The following PAPOLA variants were observed in gnomAD, a reference collection of about 807,000 sequenced individuals.
PAPOLA encodes the protein poly(A) polymerase alpha, also known as polynucleotide adenylyltransferase alpha.
In PAPOLA, 15 loss-of-function variants were observed where a neutral mutation model predicts 100.6. The observed-to-expected ratio is 0.15, with a 90% confidence interval of 0.10 to 0.23. The LOEUF (loss-of-function observed/expected upper bound fraction) is 0.23, where lower values mean the gene tolerates loss of function less well. PAPOLA is among the 10% of genes least tolerant of loss of function. PAPOLA has a pLI of 1.00. For synonymous variants in PAPOLA, 293 were observed against 300.0 expected (o/e 0.98, Z 0.24); for missense variants, 533 against 884.2 (o/e 0.60, Z 5.04).
At chr14:96,505,242 C>T (rs989627367) in intron 1 of PAPOLA, among the ~76,000 whole-genome samples, 81 of 152,192 alleles carry the variant, frequency 5.3e-4, no homozygotes, top group African/African-American at 1.8e-3. Flanking sequence ...CTTCCACCTA[C>T]TGGATTCCGG....
At chr14:96,535,408 A>G (rs1041488205) in intron 10 of PAPOLA, 27 of 981,572 alleles carry the variant, frequency 2.8e-5, no homozygotes, top group African/African-American at 3.5e-5. Flanking sequence ...TAACATATCA[A>G]CATGGATAAT....
chr14:96,561,172 G>T (rs1306291359), intron 20 of PAPOLA, among the ~76,000 whole-genome samples: 1 of 152,126 alleles, frequency 6.6e-6, no homozygotes, highest in African/African-American at 2.4e-5. Flanking sequence ...GCAGTTTTTG[G>T]CGTAAGGTTT....
Position 96,542,892 on chromosome 14 carries a change from A to G in PAPOLA, c.1288A>G (p.Lys430Glu), listed in dbSNP as rs1250175796. Residue 430 changes from lysine to glutamate, a missense_variant and splice_region_variant, in exon 14 of 22, where the codon AAG becomes GAG. Physicochemically the swap from Lys to Glu is moderately conservative, Grantham distance 56. Transcript: ENST00000216277. ...SFPAPKENPDKEEFRTMWVIG... is the reference protein window; with the variant it reads ...SFPAPKENPDEEEFRTMWVIG... The stretch of plus-strand genomic sequence containing the variant: ...TCCAGCACCCAAAGAAAATCCCGAC[A>G]AGTAAGCCCTTTTCTAATTTAATTT... 2 of 1,611,194 alleles carry G rather than the reference A, an allele frequency of 1.2e-6. No homozygotes were observed. The highest frequency in any genetic ancestry group is 1.7e-6 in the Non-Finnish European group (2 of 1,179,188).
At chr14:96,555,238 G>GT (rs780689375) in intron 17 of PAPOLA, among the ~76,000 whole-genome samples, 4,064 of 135,450 alleles carry the variant, frequency 0.03, 90 homozygotes, top group African/African-American at 0.055. Context: ...AATAATATAG[G>GT]TTTTTTTTTT....
intron 12 of PAPOLA, among the ~76,000 whole-genome samples, chr14:96,540,809 T>C (rs1253166100): frequency 6.6e-6 from 1 of 152,238 alleles, no homozygotes; most frequent in Non-Finnish European, 1.5e-5. Flanking sequence ...AAATGTGTAC[T>C]ATTATCCCAT....
At chr14:96,519,964 G>A (rs1413824934) in intron 1 of PAPOLA, 91 bp from the exon 2 acceptor site, 2 of 1,075,498 alleles carry the variant, frequency 1.9e-6, no homozygotes, top group Non-Finnish European at 2.7e-6. Context: ...GTTTAGAAAT[G>A]TGTGTTACTA....
At chr14:96,556,724 T>A (rs1566866438) in intron 19 of PAPOLA, among the ~76,000 whole-genome samples, 1 of 152,216 alleles carries the variant, frequency 6.6e-6, no homozygotes, top group Non-Finnish European at 1.5e-5. Flanking sequence ...TATTCTCTAA[T>A]GACTACCTTT....
At chr14:96,540,522 G>A (rs527799067) in intron 12 of PAPOLA, among the ~76,000 whole-genome samples, 4 of 151,956 alleles carry the variant, frequency 2.6e-5, no homozygotes, top group South Asian at 2.1e-4. Flanking sequence ...TTGGAACTCC[G>A]AGTATGGGTT....
At chr14:96,514,325 C>T (rs1436894772) in intron 1 of PAPOLA, among the ~76,000 whole-genome samples, 5 of 152,052 alleles carry the variant, frequency 3.3e-5, no homozygotes, top group Admixed American at 3.3e-4. Flanking sequence ...AGGCAACTGC[C>T]ACCACGCCCG....
At chr14:96,521,637 T>C (rs1313248172) in intron 3 of PAPOLA, among the ~76,000 whole-genome samples, 2 of 152,158 alleles carry the variant, frequency 1.3e-5, no homozygotes, top group East Asian at 3.9e-4. Context: ...ACTATAGGCA[T>C]GTCCCTTCAC....
At chr14:96,517,570 A>G (rs538970763) in intron 1 of PAPOLA, among the ~76,000 whole-genome samples, 136 of 150,774 alleles carry the variant, frequency 9.0e-4, no homozygotes, top group Middle Eastern at 6.8e-3. Context: ...AAACTGGGGG[A>G]AAAAAAAACC....
chr14:96,536,879 T>C (rs1047661899), intron 11 of PAPOLA, 97 bp from the exon 12 acceptor site: 2 of 693,586 alleles, frequency 2.9e-6, no homozygotes, highest in African/African-American at 3.6e-5. Context: ...ATTCTGGTTT[T>C]AGGATTATAG....
At chr14:96,528,097 TAGTG>T in intron 6 of PAPOLA, 91 bp downstream of exon 6, 1 of 804,482 alleles carries the variant, frequency 1.2e-6, no homozygotes, top group Middle Eastern at 2.6e-4. Context: ...AGTTTATAAT[TAGTG>T]AGTTGGTTGT....
At chr14:96,527,812 C>T (rs1004914590) in intron 5 of PAPOLA, 141 bp from the exon 6 acceptor site, 1 of 706,920 alleles carries the variant, frequency 1.4e-6, no homozygotes, top group African/African-American at 1.8e-5. Flanking sequence ...ATATTTGAAC[C>T]TTGATTTCTG....
At chr14:96,538,256 CAAT>C (rs1169237034) in intron 12 of PAPOLA, among the ~76,000 whole-genome samples, 4 of 151,938 alleles carry the variant, frequency 2.6e-5, no homozygotes, top group Admixed American at 6.6e-5. Flanking sequence ...TTCCTGGAAT[CAAT>C]GATGAAACTA....
chr14:96,522,049 T>TA (rs1432826352), intron 3 of PAPOLA, among the ~76,000 whole-genome samples: 13 of 149,478 alleles, frequency 8.7e-5, no homozygotes, highest in African/African-American at 2.5e-4. Flanking sequence ...TGATCCACCT[T>TA]CCTTGGCCTC....
At chr14:96,534,909 T>C (rs1428677593) in intron 10 of PAPOLA, 22 of 1,017,536 alleles carry the variant, frequency 2.2e-5, no homozygotes, top group Admixed American at 5.3e-5. Context: ...TTTTTTATTT[T>C]ATCTAAGTAT....
Position 96,543,818 on chromosome 14 carries a change from A to G in PAPOLA, c.1290-331A>G, listed in dbSNP as rs144511675. On this transcript the variant is annotated intron_variant, in intron 14 of 21. Coordinates refer to ENST00000216277, the MANE Select transcript of PAPOLA (RefSeq NM_032632.5). ...AATCCTTTTTTTCCCAGATTTTTCTAAAAAGATTATTCTTTTTCCTTCATT... is the reference window on the plus strand; with the variant it reads ...AATCCTTTTTTTCCCAGATTTTTCTGAAAAGATTATTCTTTTTCCTTCATT... Among the ~76,000 whole-genome samples, 32 of 152,174 alleles carry G rather than the reference A, an allele frequency of 2.1e-4. No individual in the cohort carries two copies. In the East Asian group the frequency reaches 6.2e-3, roughly 29 times the overall value.
At position 96,519,988 on chromosome 14, in the gene PAPOLA, G is replaced by A. The variant is rs180901985; in HGVS notation, c.9-67G>A. 3.6e-5 allele frequency: 47 copies of A among 1,301,368 alleles called. No homozygotes were observed. In the Admixed American group the frequency reaches 4.4e-4, roughly 12 times the overall value. 80.6% of individuals were successfully genotyped at this position (1,301,368 alleles called of 1,614,324 possible). On this transcript the variant is annotated intron_variant, in intron 1 of 21. Coordinates refer to ENST00000216277, the MANE Select transcript of PAPOLA (RefSeq NM_032632.5). Reference sequence around the variant, plus strand: ...TGTGTGTTACTAAATTAGTTTTTCTGGTCTTACTGATTTGTTTCAAATTGT... The same window carrying A: ...TGTGTGTTACTAAATTAGTTTTTCTAGTCTTACTGATTTGTTTCAAATTGT...
Sources: allele counts gnomAD v4.1 joint callset (sites outside exome capture counted in the v4.1 genomes callset), GRCh38; gene constraint gnomAD v4.1.1; transcripts MANE v1.5; gene names NCBI Gene and HGNC (gene_info 2026-07-23, HGNC 2026-07-21).